Variants in EGFR observed in about 807,000 individuals in gnomAD.
EGFR encodes epidermal growth factor receptor.
EGFR carries 58 observed loss-of-function variants against 143.0 expected under a neutral mutation model. That is an observed-to-expected ratio of 0.41 (90% CI 0.33 to 0.50). EGFR has a LOEUF of 0.50. Ranked by LOEUF, EGFR falls within the 20% of genes least tolerant of loss-of-function variation. The pLI, the probability that EGFR is intolerant of heterozygous loss-of-function variation, is 0.39. For missense variants in EGFR, 1,307 were observed against 1,579.0 expected, an observed-to-expected ratio of 0.83 and a Z score of 2.92; for synonymous variants, 613 against 594.4, an observed-to-expected ratio of 1.03 and a Z score of -0.45.
At chr7:55,142,030 A>C (rs1278619418) in intron 1 of EGFR, among the ~76,000 whole-genome samples, 1 of 152,182 alleles carries the variant, frequency 6.6e-6, no homozygotes, top group Non-Finnish European at 1.5e-5. Context: ...TATGAATTGC[A>C]CCTTATATAA....
intron 1 of EGFR, among the ~76,000 whole-genome samples, chr7:55,051,053 G>T (rs1294888925): frequency 6.6e-6 from 1 of 152,164 alleles, no homozygotes; most frequent in East Asian, 1.9e-4. Flanking sequence ...TGGGAATCCT[G>T]GTCGGCACCA....
intron 1 of EGFR, among the ~76,000 whole-genome samples, chr7:55,043,275 G>A (rs538835022): frequency 3.9e-5 from 6 of 152,260 alleles, no homozygotes; most frequent in African/African-American, 1.4e-4. Flanking sequence ...GGAGACATCT[G>A]GCAATGTTTG....
In EGFR at chr7:55,192,085, A is replaced by G. The variant is rs187231547; in HGVS notation, c.2625+211A>G. Among the ~76,000 whole-genome samples, 207 of 152,294 alleles carry G rather than the reference A, an allele frequency of 1.4e-3. 1 individual carries two copies. Among genetic ancestry groups the G allele is most frequent in the South Asian group, 0.011 (51 of 4,828 alleles). Reference sequence around the variant, plus strand: ...CTTTGGGAACAGTACTTGCTGGGACAGTGAATGAGGATGTTATCCCCAGGT... The same window carrying G: ...CTTTGGGAACAGTACTTGCTGGGACGGTGAATGAGGATGTTATCCCCAGGT... On this transcript the variant is annotated intron_variant, in intron 21 of 27. Transcript: ENST00000275493.
chr7:55,171,058 T>C, intron 15 of EGFR, 117 bp from the exon 16 acceptor site: 1 of 1,537,564 alleles, frequency 6.5e-7, no homozygotes, highest in Non-Finnish European at 8.7e-7. Context: ...CATAGTGATT[T>C]TAATTATTTA....
chr7:55,031,831 C>A (rs555488568), intron 1 of EGFR, among the ~76,000 whole-genome samples: 1 of 152,050 alleles, frequency 6.6e-6, no homozygotes, highest in Admixed American at 6.6e-5. Flanking sequence ...TGTTTTTATT[C>A]GCATTTTGGA....
At chr7:55,203,603 A>G (rs1787967598) in intron 27 of EGFR, among the ~76,000 whole-genome samples, 1 of 142,056 alleles carries the variant, frequency 7.0e-6, no homozygotes, top group Non-Finnish European at 1.5e-5. Flanking sequence ...CAAAAACCGC[A>G]CACACATACA....
At chr7:55,084,250 C>T (rs1790632050) in intron 1 of EGFR, among the ~76,000 whole-genome samples, 1 of 152,044 alleles carries the variant, frequency 6.6e-6, no homozygotes, top group African/African-American at 2.4e-5. Flanking sequence ...CTCTTCCAGG[C>T]TCATAAGGGT....
Position 55,205,733 on chromosome 7 carries a change from T to C in EGFR, c.*116T>C. On this transcript the variant is annotated 3_prime_UTR_variant, in exon 28 of 28. Transcript: ENST00000275493. ...CGCATTAGCTCTTAGACCCACAGAC[T>C]GGTTTTGCAACGTTTACACCGACTA... The C allele has an allele frequency of 6.4e-7, 1 of 1,554,770 alleles. No individual in the cohort carries two copies. The highest frequency in any genetic ancestry group is 8.8e-7 in the Non-Finnish European group (1 of 1,133,762).
chr7:55,061,144 A>G (rs577492605), intron 1 of EGFR, among the ~76,000 whole-genome samples: 1 of 152,366 alleles, frequency 6.6e-6, no homozygotes, highest in East Asian at 1.9e-4. Flanking sequence ...CTTAAGGGGA[A>G]TTCAATGGAT....
At chr7:55,085,750 G>A (rs979168598) in intron 1 of EGFR, among the ~76,000 whole-genome samples, 2 of 152,174 alleles carry the variant, frequency 1.3e-5, no homozygotes, top group Non-Finnish European at 2.9e-5. Context: ...TGTGTAGCGG[G>A]TACCTTCTGT....
intron 1 of EGFR, among the ~76,000 whole-genome samples, chr7:55,046,022 G>A (rs1364856128): frequency 3.3e-5 from 5 of 152,128 alleles, no homozygotes; most frequent in Admixed American, 3.3e-4. Flanking sequence ...AATAAAACAG[G>A]AGATTAATTT....
intron 15 of EGFR, among the ~76,000 whole-genome samples, chr7:55,168,249 T>C (rs1316937171): frequency 6.6e-6 from 1 of 152,252 alleles, no homozygotes; most frequent in Non-Finnish European, 1.5e-5. Flanking sequence ...ATTATCTGTA[T>C]AGAATAAATG....
rs1325641946 is a variant in EGFR at position 55,208,727 on chromosome 7, G to GTTC, written c.*3113_*3115dup. ...ACCAAAGCTTAGGTGTTTGCTGAAA[G>GTTC]TTCTTGATGTTGTGACTTACCACCC... On this transcript the variant is annotated 3_prime_UTR_variant, in exon 28 of 28. Transcript: ENST00000275493. 1 of 152,170 alleles carries GTTC rather than the reference G, an allele frequency of 6.6e-6. No homozygotes were observed. Among genetic ancestry groups the GTTC allele is most frequent in the African/African-American group, 2.4e-5 (1 of 41,430 alleles). The allele number at this position is 152,170 out of a possible 1,614,324, so 9.4% of individuals were successfully genotyped here. A position where few individuals can be genotyped will look rare whatever the true frequency, so the allele number is the denominator to read the frequency against.
intron 1 of EGFR, among the ~76,000 whole-genome samples, chr7:55,112,242 G>C (rs114064791): frequency 0.022 from 3,351 of 152,320 alleles, 144 homozygotes; most frequent in African/African-American, 0.077. Context: ...ATTTAAGGGT[G>C]GTTCAGTAGT....
At chr7:55,096,948 C>A (rs1584030234) in intron 1 of EGFR, among the ~76,000 whole-genome samples, 2 of 151,748 alleles carry the variant, frequency 1.3e-5, no homozygotes, top group East Asian at 4.0e-4. Context: ...AAAGTGCTGT[C>A]CGTTCCTTAC....
Position 55,174,796 on chromosome 7 carries a change from G to A in EGFR, c.2259G>A (p.Pro753=), listed in dbSNP as rs764064214. The change falls in exon 19 of 28, where the codon CCG becomes CCA. Residue 753 remains proline, a synonymous_variant. Coordinates refer to ENST00000275493, the MANE Select transcript of EGFR (RefSeq NM_005228.5). ...AIKELREATS[P]KANKEILDEA... ...AGGAATTAAGAGAAGCAACATCTCCGAAAGCCAACAAGGAAATCCTCGATG... is the reference window on the plus strand; with the variant it reads ...AGGAATTAAGAGAAGCAACATCTCCAAAAGCCAACAAGGAAATCCTCGATG... 1.2e-5 allele frequency: 19 copies of A among 1,613,938 alleles called. No homozygotes were observed. The highest frequency in any genetic ancestry group is 3.3e-4 in the Middle Eastern group (2 of 6,084).
At chr7:55,135,765 C>A (rs1427621514) in intron 1 of EGFR, among the ~76,000 whole-genome samples, 1 of 152,134 alleles carries the variant, frequency 6.6e-6, no homozygotes, top group Non-Finnish European at 1.5e-5. Flanking sequence ...TCTATAGTCA[C>A]AATTTATAAA....
intron 1 of EGFR, among the ~76,000 whole-genome samples, chr7:55,105,312 A>G (rs1792069627): frequency 6.6e-6 from 1 of 152,238 alleles, no homozygotes; most frequent in Non-Finnish European, 1.5e-5. Flanking sequence ...AAAACTGCAG[A>G]AAGATTATGC....
rs1169803481 is a variant in EGFR, at chr7:55,198,851, A to G, written c.2836A>G (p.Ile946Val). 1 of 1,614,184 alleles carries G rather than the reference A, an allele frequency of 6.2e-7. No individual in the cohort carries two copies. Among genetic ancestry groups the G allele is most frequent in the Non-Finnish European group, 8.5e-7 (1 of 1,180,024 alleles). Residue 946 changes from isoleucine (I) to valine (V), a missense_variant, in exon 23 of 28, where the codon ATC becomes GTC. Physicochemically the swap from Ile to Val is conservative, Grantham distance 29. Coordinates refer to ENST00000275493, the MANE Select transcript of EGFR (RefSeq NM_005228.5). ...PPICTIDVYM[I>V]MVKCWMIDAD... is the part of the protein sequence containing the mutation. ...CATATGTACCATCGATGTCTACATG[A>G]TCATGGTCAAGTGTGAGTGACTGGT... is the stretch of plus-strand genomic sequence containing the variant.
Sources: allele counts gnomAD v4.1 joint callset (sites outside exome capture counted in the v4.1 genomes callset), GRCh38; gene constraint gnomAD v4.1.1; transcripts MANE v1.5; gene names NCBI Gene and HGNC (gene_info 2026-07-23, HGNC 2026-07-21).